The following HELZ variants were observed in gnomAD, a reference collection of about 807,000 sequenced individuals.
The protein encoded by HELZ is helicase with zinc finger.
HELZ carries 23 observed loss-of-function variants against 218.2 expected under a neutral mutation model. That is an observed-to-expected ratio of 0.11 (90% CI 0.08 to 0.15). The LOEUF is 0.15. Among genes scored for constraint, HELZ ranks in the 10% least tolerant of loss-of-function variants. The pLI is 1.00. For synonymous variants in HELZ, 814 were observed against 829.4 expected (o/e 0.98, Z 0.32); for missense variants, 1,813 against 2,353.7 (o/e 0.77, Z 4.75).
intron 32 of HELZ, among the ~76,000 whole-genome samples, chr17:67,081,757 T>C (rs192431696): frequency 2.0e-5 from 3 of 152,258 alleles, no homozygotes; most frequent in African/African-American, 7.2e-5. Flanking sequence ...CTGATTTAGA[T>C]TGGGCTGGAT....
chr17:67,088,745 T>C (rs1291419608), intron 31 of HELZ, among the ~76,000 whole-genome samples: 5 of 152,252 alleles, frequency 3.3e-5, no homozygotes, highest in East Asian at 1.9e-4. Flanking sequence ...ATCTTTAATT[T>C]TACTCTGCTT....
Position 67,151,189 on chromosome 17 carries a change from T to A in HELZ, c.2213A>T (p.His738Leu), listed in dbSNP as rs2038670921. 1.2e-6 allele frequency: 2 copies of A among 1,613,592 alleles called. No individual in the cohort carries two copies. Among genetic ancestry groups the A allele is most frequent in the East Asian group, 4.5e-5 (2 of 44,862 alleles). The change falls in exon 18 of 33, where the codon CAC becomes CTC. Residue 738 changes from histidine (H) to leucine (L), a missense_variant. By Grantham distance (99) the His-to-Leu change is moderately conservative (BLOSUM62 -3). Coordinates refer to ENST00000358691, the MANE Select transcript of HELZ (RefSeq NM_014877.4). ...YFRNRWVKTV[H>L]PVVHQYCLIS... ...CAAACAGTACTGATGCACAACTGGG[T>A]GGACAGTCTTTACCCAGCGATTTCT...
At chr17:67,211,807 G>A in intron 5 of HELZ, among the ~76,000 whole-genome samples, 1 of 152,052 alleles carries the variant, frequency 6.6e-6, no homozygotes, top group East Asian at 1.9e-4. Context: ...GTTGCAGTGA[G>A]CCAAGATTAC....
At chr17:67,123,204 A>T in intron 25 of HELZ, 44 bp from the exon 26 acceptor site, 1 of 1,147,438 alleles carries the variant, frequency 8.7e-7, no homozygotes. Context: ...AGCTGTACAT[A>T]GTCATCCAGA....
Position 67,097,464 on chromosome 17 carries a change from A to G in HELZ, c.5241+9705T>C, listed in dbSNP as rs1420215048. On this transcript the variant is annotated intron_variant, in intron 31 of 32. Transcript: ENST00000358691. ...TTTGCAACACAGTGCATCAAAATCA[A>G]TTTGGGTCTAAATTTTAAAAAATGC... is the stretch of plus-strand genomic sequence containing the variant. Among the ~76,000 whole-genome samples, 5 of 152,236 alleles carry G rather than the reference A, an allele frequency of 3.3e-5. No individual in the cohort carries two copies. In the East Asian group the frequency reaches 9.6e-4, roughly 29 times the overall value.
In HELZ at chr17:67,157,695, A is replaced by T. The variant is rs1457076945; in HGVS notation, c.2177+2566T>A. Among the ~76,000 whole-genome samples the T allele has an allele frequency of 3.3e-5, 5 of 152,234 alleles. No individual in the cohort carries two copies. In the East Asian group the frequency reaches 9.6e-4, roughly 29 times the overall value. ...TATAAGAGAGAGTCTGGTAATATAT[A>T]ATTTTAATTCACTGAAATTTTATTC... On this transcript the variant is annotated intron_variant, in intron 17 of 32. Coordinates refer to ENST00000358691, the MANE Select transcript of HELZ (RefSeq NM_014877.4).
At chr17:67,164,508 A>G (rs1426794312) in intron 15 of HELZ, among the ~76,000 whole-genome samples, 1 of 152,208 alleles carries the variant, frequency 6.6e-6, no homozygotes, top group Non-Finnish European at 1.5e-5. Flanking sequence ...TGCAAGACGA[A>G]AAAGTTCTGG....
intron 24 of HELZ, among the ~76,000 whole-genome samples, chr17:67,125,708 AAT>A (rs202061773): frequency 0.012 from 1,829 of 152,262 alleles, 13 homozygotes; most frequent in Middle Eastern, 0.024. Flanking sequence ...GGATCCTGTG[AAT>A]ATGTTATGTG....
At chr17:67,157,989 T>C (rs936968180) in intron 17 of HELZ, among the ~76,000 whole-genome samples, 16 of 152,204 alleles carry the variant, frequency 1.1e-4, no homozygotes, top group African/African-American at 3.1e-4. Flanking sequence ...AATCTTCTAG[T>C]TCTAGTGAAG....
rs1312619634 is a variant in HELZ, at chr17:67,086,973, A to G, written c.5350T>C (p.Cys1784Arg). 3 of 1,613,904 alleles carry G rather than the reference A, an allele frequency of 1.9e-6. No homozygotes were observed. Among genetic ancestry groups the G allele is most frequent in the African/African-American group, 1.3e-5 (1 of 74,872 alleles). ...VSTPQDSLAQCKELQDHSNQS... is the reference protein window; with the variant it reads ...VSTPQDSLAQRKELQDHSNQS... ...TTACTGTGGTCCTGAAGCTCTTTAC[A>G]CTGAGCCAGACTGTCTTGAGGAGTG... Residue 1784 changes from cysteine to arginine, a missense_variant, in exon 32 of 33, where the codon TGT becomes CGT. Cys to Arg is a radical substitution (Grantham distance 180). Around this residue, in one of 4 missense-constraint regions of HELZ, gnomAD observed 938 missense variants for 1,027.5 expected, o/e 0.91. Coordinates refer to ENST00000358691, the MANE Select transcript of HELZ (RefSeq NM_014877.4).
chr17:67,150,012 T>C (rs778287828), intron 18 of HELZ, 27 bp from the exon 19 acceptor site: 1 of 1,373,812 alleles, frequency 7.3e-7, no homozygotes, highest in Non-Finnish European at 1.0e-6. Context: ...AAACACAGGA[T>C]AGCACGCTAG....
intron 3 of HELZ, among the ~76,000 whole-genome samples, chr17:67,220,300 G>C (rs1156772133): frequency 1.3e-5 from 2 of 152,182 alleles, no homozygotes; most frequent in African/African-American, 4.8e-5. Flanking sequence ...CATCTGAAGA[G>C]GTCTAAGCCC....
Position 67,109,190 on chromosome 17 carries a change from C to G in HELZ, c.4415G>C (p.Gly1472Ala). The change falls in exon 29 of 33, where the codon GGC becomes GCC. Residue 1472 changes from glycine to alanine, a missense_variant. Transcript: ENST00000358691. The stretch of plus-strand genomic sequence containing the variant: ...ATTCAGATGTGAAGGAAGAATGGGG[C>G]CGGGTTGTGCAATGGCTCTCAGAGG... ...HSPLRAIAQP[G>A]PILPSHLNSF... 6.2e-7 allele frequency: 1 copy of G among 1,614,026 alleles called. No homozygotes were observed. The highest frequency in any genetic ancestry group is 2.2e-5 in the East Asian group (1 of 44,876).
At chr17:67,079,598 T>C (rs1222565593) in intron 32 of HELZ, among the ~76,000 whole-genome samples, 1 of 152,204 alleles carries the variant, frequency 6.6e-6, no homozygotes, top group African/African-American at 2.4e-5. Flanking sequence ...GATAAATCCC[T>C]AGGTGTACAA....
intron 15 of HELZ, among the ~76,000 whole-genome samples, chr17:67,163,929 C>T (rs1296944555): frequency 6.6e-6 from 1 of 152,150 alleles, no homozygotes; most frequent in East Asian, 1.9e-4. Context: ...TGAAAGTTTG[C>T]TTACTTTTGC....
At chr17:67,147,583 C>T (rs886271556) in intron 20 of HELZ, among the ~76,000 whole-genome samples, 7 of 151,938 alleles carry the variant, frequency 4.6e-5, no homozygotes, top group African/African-American at 1.7e-4. Context: ...GTTCAAGAAA[C>T]CCTCCCACCT....
At chr17:67,196,488 A>G (rs937099520) in intron 7 of HELZ, among the ~76,000 whole-genome samples, 3 of 152,168 alleles carry the variant, frequency 2.0e-5, no homozygotes, top group Non-Finnish European at 4.4e-5. Flanking sequence ...TGCACCTCTC[A>G]AAGTATCTGG....
chr17:67,235,987 C>G (rs1182192914), intron 3 of HELZ, among the ~76,000 whole-genome samples: 2 of 152,044 alleles, frequency 1.3e-5, no homozygotes, highest in South Asian at 2.1e-4. Flanking sequence ...GTCTCGATCT[C>G]CTGACCTCCT....
intron 24 of HELZ, among the ~76,000 whole-genome samples, chr17:67,128,268 TATTATAAC>T (rs2037865855): frequency 6.6e-6 from 1 of 152,230 alleles, no homozygotes; most frequent in Non-Finnish European, 1.5e-5. Context: ...CAAATATCGT[TATTATAAC>T]ATTATTCCTT....
Sources: allele counts gnomAD v4.1 joint callset (sites outside exome capture counted in the v4.1 genomes callset), GRCh38; gene constraint gnomAD v4.1.1; regional missense constraint gnomAD v4.1.1; transcripts MANE v1.5; gene names NCBI Gene and HGNC (gene_info 2026-07-23, HGNC 2026-07-21).